The following RAPGEF5 variants were observed in gnomAD, a reference collection of about 807,000 sequenced individuals.
The protein encoded by RAPGEF5 is M-Ras-regulated GEF.
A neutral mutation model predicts 125.2 loss-of-function variants in RAPGEF5; 65 were observed. The observed-to-expected ratio is 0.52, with a 90% CI of 0.43 to 0.64. RAPGEF5 has a LOEUF of 0.64. RAPGEF5 is among the 30% of genes least tolerant of loss of function. The probability of loss-of-function intolerance (pLI) is 0.00; values close to 1 mark genes in which losing one functional copy is unlikely to be tolerated. For missense variants in RAPGEF5, 958 were observed against 1,048.1 expected (o/e 0.91, Z 1.19); for synonymous variants, 391 against 385.9 (o/e 1.01, Z -0.16).
Position 22,193,393 on chromosome 7 carries a change from AG to A in RAPGEF5, c.1177del (p.Leu393TrpfsTer24). Reference protein sequence around the residue: ...ILEHLLNDLHLEEVQDKETET... With the variant: ...ILEHLLNDLHXEEVQDKETET... ...TGTTTCTTTGTCCTGGACTTCTTCC[AG>A]GTGCAAGTCATTCAAAAGGTGCTCC... On this transcript the variant is annotated frameshift_variant, in exon 11 of 26. Transcript: ENST00000665637. LOFTEE classifies it high-confidence loss of function. 6.3e-7 allele frequency: 1 copy of A among 1,594,762 alleles called. No individual in the cohort carries two copies. The highest frequency in any genetic ancestry group is 1.1e-5 in the South Asian group (1 of 87,340).
At chr7:22,221,900 T>C (rs1376085988) in intron 8 of RAPGEF5, among the ~76,000 whole-genome samples, 1 of 152,128 alleles carries the variant, frequency 6.6e-6, no homozygotes, top group African/African-American at 2.4e-5. Flanking sequence ...AAAGGATTTA[T>C]TTGAGTAAGA....
At chr7:22,133,479 T>C (rs1390870376) in intron 23 of RAPGEF5, among the ~76,000 whole-genome samples, 1 of 152,146 alleles carries the variant, frequency 6.6e-6, no homozygotes, top group Non-Finnish European at 1.5e-5. Flanking sequence ...CTCTTTCACC[T>C]GGAGACACCT....
chr7:22,230,830 A>T lies in RAPGEF5; in HGVS notation c.870+16T>A. On this transcript the variant is annotated intron_variant, in intron 8 of 25. Coordinates refer to ENST00000665637, the MANE Select transcript of RAPGEF5 (RefSeq NM_012294.5). Reference sequence around the variant, plus strand: ...CAGAAGGGTATGATGAGGGGCTGTCACAGAATTGATCATACCTGAGAATCT... The same window carrying T: ...CAGAAGGGTATGATGAGGGGCTGTCTCAGAATTGATCATACCTGAGAATCT... 6.4e-7 allele frequency: 1 copy of T among 1,559,458 alleles called. No homozygotes were observed. Among genetic ancestry groups the T allele is most frequent in the Non-Finnish European group, 8.7e-7 (1 of 1,148,772 alleles).
chr7:22,131,726 T>A (rs1376049422), intron 23 of RAPGEF5, among the ~76,000 whole-genome samples: 1 of 152,164 alleles, frequency 6.6e-6, no homozygotes, highest in African/African-American at 2.4e-5. Context: ...GAAAGTACAA[T>A]GAAAGTGCAT....
At position 22,118,705 on chromosome 7, in the gene RAPGEF5, C is replaced by T. The variant is rs1782476587; in HGVS notation, c.*3701G>A. 6.6e-6 allele frequency: 1 copy of T among 152,578 alleles called. No individual in the cohort carries two copies. Among genetic ancestry groups the T allele is most frequent in the African/African-American group, 2.4e-5 (1 of 41,430 alleles). 9.5% of individuals were successfully genotyped at this position (152,578 alleles called of 1,614,324 possible). ...ATCACAGCAGCCCTAATTAATGATA[C>T]ATTAAAAGGCAAGATTTCTTGCTTC... On this transcript the variant is annotated 3_prime_UTR_variant, in exon 26 of 26. Transcript: ENST00000665637.
chr7:22,325,731 A>AT (rs2128156631), intron 1 of RAPGEF5, among the ~76,000 whole-genome samples: 1 of 152,118 alleles, frequency 6.6e-6, no homozygotes, highest in South Asian at 2.1e-4. Flanking sequence ...TGCCTGGCTA[A>AT]TTTTTTATTT....
intron 24 of RAPGEF5, among the ~76,000 whole-genome samples, chr7:22,130,281 C>G (rs1251275558): frequency 6.6e-6 from 1 of 152,186 alleles, no homozygotes; most frequent in Admixed American, 6.5e-5. Flanking sequence ...TTTACAGTTG[C>G]TCAGTTCTTA....
At chr7:22,235,510 G>A (rs1786164294) in intron 7 of RAPGEF5, among the ~76,000 whole-genome samples, 1 of 152,122 alleles carries the variant, frequency 6.6e-6, no homozygotes, top group Non-Finnish European at 1.5e-5. Flanking sequence ...GAATATCATA[G>A]GAAGAATAGA....
chr7:22,301,762 A>T (rs1783210539), intron 5 of RAPGEF5, among the ~76,000 whole-genome samples: 1 of 152,244 alleles, frequency 6.6e-6, no homozygotes, highest in Non-Finnish European at 1.5e-5. Context: ...AATAGTTGGG[A>T]AGAGCTGAAT....
At chr7:22,342,087 A>G (rs1262474777) in intron 1 of RAPGEF5, among the ~76,000 whole-genome samples, 2 of 152,182 alleles carry the variant, frequency 1.3e-5, no homozygotes, top group East Asian at 1.9e-4. Context: ...TGCCATTTCC[A>G]TACATCTTCT....
chr7:22,146,038 G>A (rs1476307092), intron 19 of RAPGEF5, among the ~76,000 whole-genome samples: 1 of 152,000 alleles, frequency 6.6e-6, no homozygotes, highest in Middle Eastern at 3.4e-3. Context: ...TGCATAAGCA[G>A]GGATATATCC....
chr7:22,169,430 C>G (rs6944433), intron 11 of RAPGEF5, among the ~76,000 whole-genome samples: 141,570 of 152,248 alleles, frequency 0.93, 65,894 homozygotes, highest in East Asian at 0.99. Flanking sequence ...GGAAACCAAG[C>G]ATATTTTGGA....
At chr7:22,312,633 T>C (rs1005963612) in intron 3 of RAPGEF5, among the ~76,000 whole-genome samples, 2 of 152,210 alleles carry the variant, frequency 1.3e-5, no homozygotes, top group African/African-American at 4.8e-5. Flanking sequence ...TGACTCAATA[T>C]GCTAGAACAC....
chr7:22,162,891 A>C (rs1784051619), intron 12 of RAPGEF5: 3 of 467,464 alleles, frequency 6.4e-6, no homozygotes, highest in South Asian at 4.7e-5. Flanking sequence ...GCCTCACTAC[A>C]CAGGTGAATA....
chr7:22,179,757 T>A (rs1487808556), intron 11 of RAPGEF5, among the ~76,000 whole-genome samples: 1 of 152,184 alleles, frequency 6.6e-6, no homozygotes, highest in Non-Finnish European at 1.5e-5. Flanking sequence ...ATGCTAATTA[T>A]GATACAATCG....
At chr7:22,167,202 G>T in intron 11 of RAPGEF5, 54 bp from the exon 12 acceptor site, 1 of 1,379,838 alleles carries the variant, frequency 7.2e-7, no homozygotes, top group Non-Finnish European at 1.0e-6. Context: ...GATAAGAAGA[G>T]CAGCTGCTTA....
chr7:22,154,890 C>T (rs538417663), intron 16 of RAPGEF5, among the ~76,000 whole-genome samples: 25 of 152,336 alleles, frequency 1.6e-4, no homozygotes, highest in Middle Eastern at 3.4e-3. Context: ...ACCCGAGTCA[C>T]GCAAGTGTGT....
chr7:22,319,109 C>G (rs781146343), intron 1 of RAPGEF5, among the ~76,000 whole-genome samples: 1 of 152,106 alleles, frequency 6.6e-6, no homozygotes, highest in East Asian at 1.9e-4. Context: ...CACCTACATA[C>G]GCTTAAGCAC....
In RAPGEF5 at chr7:22,346,912, T is replaced by C. The variant is rs183870734; in HGVS notation, c.231+9918A>G. ...GCAGATGAATACAAAACAGATTAAC[T>C]GAGTCACAGAAGGTAAGATCTGCCA... On this transcript the variant is annotated intron_variant, in intron 1 of 25. Coordinates refer to ENST00000665637, the MANE Select transcript of RAPGEF5 (RefSeq NM_012294.5). 2.0e-3 allele frequency among the ~76,000 whole-genome samples: 303 copies of C among 152,300 alleles called. 2 individuals are homozygous for C. The highest frequency in any genetic ancestry group is 6.8e-3 in the African/African-American group (283 of 41,578).
Sources: gnomAD v4.1 joint callset for allele counts (sites outside exome capture counted in the v4.1 genomes callset) on GRCh38, gnomAD v4.1.1 for gene constraint, MANE v1.5 for transcripts, NCBI Gene and HGNC (gene_info 2026-07-23, HGNC 2026-07-21) for gene names.